ARHGAP42: variants seen among roughly 807,000 people sequenced by gnomAD.
The protein encoded by ARHGAP42 is Rho GTPase activating protein 42.
ARHGAP42 carries 63 observed loss-of-function variants against 125.0 expected under a neutral mutation model. The observed-to-expected ratio is 0.50, with a 90% confidence interval of 0.41 to 0.62. The LOEUF (loss-of-function observed/expected upper bound fraction) is 0.62, where lower values mean the gene tolerates loss of function less well. Among genes scored for constraint, ARHGAP42 ranks in the 20% least tolerant of loss-of-function variants. The pLI is 0.00. For missense variants in ARHGAP42, 766 were observed against 1,024.2 expected, an observed-to-expected ratio of 0.75 and a Z score of 3.44; for synonymous variants, 339 against 351.0, an observed-to-expected ratio of 0.97 and a Z score of 0.38.
At chr11:100,835,925 T>TAA (rs2135101959) in intron 3 of ARHGAP42, among the ~76,000 whole-genome samples, 1 of 152,228 alleles carries the variant, frequency 6.6e-6, no homozygotes, top group East Asian at 1.9e-4. Context: ...ACCATGGAAT[T>TAA]CCAACTCACT....
chr11:100,961,718 T>C lies in ARHGAP42; in HGVS notation c.1335T>C (p.Ile445=). The C allele has an allele frequency of 6.4e-7, 1 of 1,551,788 alleles. No individual in the cohort carries two copies. The highest frequency in any genetic ancestry group is 1.4e-5 in the African/African-American group (1 of 73,152). Reference sequence around the variant, plus strand: ...CCCCTCCTGATATTGATATTGATATTGAACTGTGGGACAATAAGACGATAA... The same window carrying C: ...CCCCTCCTGATATTGATATTGATATCGAACTGTGGGACAATAAGACGATAA... ...PKSPPDIDID[I]ELWDNKTITS... The change falls in exon 15 of 24, where the codon ATT becomes ATC. Residue 445 remains isoleucine, a synonymous_variant. Coordinates refer to ENST00000298815, the MANE Select transcript of ARHGAP42 (RefSeq NM_152432.4).
chr11:100,705,072 T>C (rs2120218781), intron 1 of ARHGAP42, among the ~76,000 whole-genome samples: 1 of 152,036 alleles, frequency 6.6e-6, no homozygotes, highest in South Asian at 2.1e-4. Context: ...GTTCCTACTT[T>C]AAGTCCTTAG....
At chr11:100,784,135 T>C (rs1000272186) in intron 2 of ARHGAP42, among the ~76,000 whole-genome samples, 21 of 151,968 alleles carry the variant, frequency 1.4e-4, no homozygotes, top group Admixed American at 3.9e-4. Context: ...AGACAGAAAA[T>C]ATAGGTAAAA....
At chr11:100,838,933 T>C (rs1015301796) in intron 3 of ARHGAP42, among the ~76,000 whole-genome samples, 6 of 152,144 alleles carry the variant, frequency 3.9e-5, no homozygotes, top group Admixed American at 2.6e-4. Flanking sequence ...ACTTCCACCA[T>C]TGAAACTATT....
chr11:100,850,700 T>G (rs1371473849), intron 3 of ARHGAP42, among the ~76,000 whole-genome samples: 2 of 152,248 alleles, frequency 1.3e-5, no homozygotes, highest in South Asian at 4.1e-4. Context: ...TAAATATGTC[T>G]TTTCCAATAT....
intron 2 of ARHGAP42, among the ~76,000 whole-genome samples, chr11:100,781,910 C>T (rs1219844739): frequency 2.6e-5 from 4 of 151,422 alleles, no homozygotes; most frequent in Non-Finnish European, 5.9e-5. Context: ...ACCTCTGAGG[C>T]ACACTGGCTG....
intron 3 of ARHGAP42, among the ~76,000 whole-genome samples, chr11:100,828,838 C>A (rs1047045732): frequency 6.6e-6 from 1 of 151,970 alleles, no homozygotes; most frequent in Non-Finnish European, 1.5e-5. Context: ...CAGGCGGAAG[C>A]CACCATGCTC....
At chr11:100,718,629 A>G (rs928528570) in intron 1 of ARHGAP42, among the ~76,000 whole-genome samples, 1 of 152,208 alleles carries the variant, frequency 6.6e-6, no homozygotes, top group Admixed American at 6.5e-5. Flanking sequence ...ATGGTAAAAT[A>G]AAAGTGTATT....
In ARHGAP42 at chr11:100,741,049, G is replaced by A. The variant is rs147195033; in HGVS notation, c.155-29294G>A. Among the ~76,000 whole-genome samples, 1,099 of 151,880 alleles carry A rather than the reference G, an allele frequency of 7.2e-3. 8 individuals carry two copies. Among genetic ancestry groups the A allele is most frequent in the Non-Finnish European group, 9.2e-3 (622 of 67,932 alleles). ...ATTTTATTTATTTATTTCTTTTTTTGAGATGAAATCTCACGCTGTCTCCAA... is the reference window on the plus strand; with the variant it reads ...ATTTTATTTATTTATTTCTTTTTTTAAGATGAAATCTCACGCTGTCTCCAA... On this transcript the variant is annotated intron_variant, in intron 1 of 23. Coordinates refer to ENST00000298815, the MANE Select transcript of ARHGAP42 (RefSeq NM_152432.4).
At chr11:100,891,077 G>A (rs1465487023) in intron 4 of ARHGAP42, among the ~76,000 whole-genome samples, 1 of 152,182 alleles carries the variant, frequency 6.6e-6, no homozygotes, top group East Asian at 1.9e-4. Flanking sequence ...TGGACCAACT[G>A]AGTAGATGGT....
At chr11:100,899,686 T>G (rs1323618259) in intron 4 of ARHGAP42, among the ~76,000 whole-genome samples, 1 of 147,634 alleles carries the variant, frequency 6.8e-6, no homozygotes, top group Non-Finnish European at 1.5e-5. Context: ...TTTGTTTGTT[T>G]GTTTGTTTTG....
At chr11:100,909,104 T>C (rs1390357200) in intron 4 of ARHGAP42, among the ~76,000 whole-genome samples, 1 of 152,202 alleles carries the variant, frequency 6.6e-6, no homozygotes, top group Non-Finnish European at 1.5e-5. Context: ...GTGAGGTTGA[T>C]TGAATTCCTT....
intron 4 of ARHGAP42, among the ~76,000 whole-genome samples, chr11:100,897,957 G>A (rs532130739): frequency 6.6e-6 from 1 of 152,244 alleles, no homozygotes; most frequent in African/African-American, 2.4e-5. Flanking sequence ...TGCCCATTCA[G>A]TATGATATTG....
At chr11:100,770,670 C>T (rs79336312) in intron 2 of ARHGAP42, among the ~76,000 whole-genome samples, 8,012 of 152,182 alleles carry the variant, frequency 0.053, 283 homozygotes, top group East Asian at 0.19. Context: ...CTCTGCCTCC[C>T]GGGTTCAAGT....
chr11:100,695,808 T>A (rs1422748731), intron 1 of ARHGAP42, among the ~76,000 whole-genome samples: 1 of 152,194 alleles, frequency 6.6e-6, no homozygotes, highest in African/African-American at 2.4e-5. Flanking sequence ...TGTCCCAACC[T>A]TTTTCCTTTT....
chr11:100,859,485 T>C, intron 3 of ARHGAP42, 69 bp from the exon 4 acceptor site: 1 of 1,310,166 alleles, frequency 7.6e-7, no homozygotes, highest in Non-Finnish European at 1.1e-6. Flanking sequence ...TTGGATAAAG[T>C]AGCCATTTTT....
At chr11:100,715,362 C>T (rs1336885966) in intron 1 of ARHGAP42, among the ~76,000 whole-genome samples, 1 of 152,034 alleles carries the variant, frequency 6.6e-6, no homozygotes, top group Non-Finnish European at 1.5e-5. Context: ...CCCAGTGAAT[C>T]TAGTATCCCC....
chr11:100,814,036 C>A (rs1480306120), intron 3 of ARHGAP42, among the ~76,000 whole-genome samples: 1 of 151,820 alleles, frequency 6.6e-6, no homozygotes, highest in African/African-American at 2.4e-5. Context: ...ACTAAAAATA[C>A]AAAAAAATTA....
chr11:100,771,165 G>C (rs1369235125), intron 2 of ARHGAP42, among the ~76,000 whole-genome samples: 1 of 152,144 alleles, frequency 6.6e-6, no homozygotes, highest in African/African-American at 2.4e-5. Context: ...TGCAGATGCA[G>C]AACATTACTG....
Sources: gnomAD v4.1 joint callset for allele counts (sites outside exome capture counted in the v4.1 genomes callset) on GRCh38, gnomAD v4.1.1 for gene constraint, MANE v1.5 for transcripts, NCBI Gene and HGNC (gene_info 2026-07-23, HGNC 2026-07-21) for gene names.